Variants in ORC5 observed in about 807,000 individuals in gnomAD.
The protein encoded by ORC5 is protein phosphatase 1, regulatory subunit 117.
In ORC5, 39 loss-of-function variants were observed where a neutral mutation model predicts 58.8. The observed-to-expected ratio is 0.66, with a 90% CI of 0.51 to 0.87. ORC5 has a LOEUF of 0.87. Ranked by LOEUF, ORC5 falls within the 40% of genes least tolerant of loss-of-function variation. The pLI is 0.00. For missense variants in ORC5, 493 were observed against 506.3 expected, an observed-to-expected ratio of 0.97 and a Z score of 0.25; for synonymous variants, 218 against 177.6, an observed-to-expected ratio of 1.23 and a Z score of -1.81.
Position 104,166,881 on chromosome 7 carries a change from A to C in ORC5, c.881T>G (p.Leu294Arg). 1 of 1,566,572 alleles carries C rather than the reference A, an allele frequency of 6.4e-7. No individual in the cohort carries two copies. Among genetic ancestry groups the C allele is most frequent in the Non-Finnish European group, 8.8e-7 (1 of 1,139,890 alleles). ...DDTDPGQLKG[L>R]SAHTHVELPY... Reference sequence around the variant, plus strand: ...AAGTTCCACATGAGTATGCGCTGAGAGGCCTATATAACAAAACACTTTGAT... The same window carrying C: ...AAGTTCCACATGAGTATGCGCTGAGCGGCCTATATAACAAAACACTTTGAT... The change falls in exon 10 of 14, where the codon CTC (leucine) becomes CGC (arginine). Residue 294 changes from leucine to arginine, a missense_variant. Leu to Arg is a moderately radical substitution (Grantham distance 102). Transcript: ENST00000297431.
At chr7:104,198,198 C>T (rs1366876281) in intron 3 of ORC5, among the ~76,000 whole-genome samples, 1 of 152,166 alleles carries the variant, frequency 6.6e-6, no homozygotes, top group Admixed American at 6.5e-5. Context: ...TTATAAATTA[C>T]CCAGTCCTTG....
intron 13 of ORC5, among the ~76,000 whole-genome samples, chr7:104,131,968 T>C (rs1468092724): frequency 6.6e-6 from 1 of 152,184 alleles, no homozygotes; most frequent in African/African-American, 2.4e-5. Context: ...GATATAGCTA[T>C]GTTATACTTG....
intron 5 of ORC5, among the ~76,000 whole-genome samples, chr7:104,193,677 C>T (rs990831529): frequency 2.0e-5 from 3 of 151,436 alleles, no homozygotes; most frequent in Non-Finnish European, 4.4e-5. Context: ...AATTAATATT[C>T]CCCTTCTGAA....
intron 8 of ORC5, among the ~76,000 whole-genome samples, chr7:104,179,866 C>T (rs1400040810): frequency 1.3e-5 from 2 of 152,164 alleles, no homozygotes; most frequent in Non-Finnish European, 2.9e-5. Context: ...GAAAGTACAC[C>T]TTTAATCTTG....
chr7:104,200,273 C>G (rs761308020), intron 3 of ORC5, among the ~76,000 whole-genome samples: 7 of 152,176 alleles, frequency 4.6e-5, no homozygotes, highest in Non-Finnish European at 7.3e-5. Context: ...GTATAGTTTT[C>G]TAGACCTTCC....
At chr7:104,134,401 C>A (rs1170080115) in intron 13 of ORC5, among the ~76,000 whole-genome samples, 1 of 106,164 alleles carries the variant, frequency 9.4e-6, no homozygotes, top group Non-Finnish European at 1.7e-5. Context: ...GGCGACAGAG[C>A]AAGACACTCC....
At chr7:104,175,442 T>A (rs916952192) in intron 8 of ORC5, among the ~76,000 whole-genome samples, 2 of 152,198 alleles carry the variant, frequency 1.3e-5, no homozygotes, top group African/African-American at 4.8e-5. Flanking sequence ...GGGAAAAAGT[T>A]TTAGAGTGCT....
chr7:104,128,370 G>A (rs1300811743), intron 13 of ORC5, among the ~76,000 whole-genome samples: 3 of 152,246 alleles, frequency 2.0e-5, no homozygotes, highest in African/African-American at 7.2e-5. Flanking sequence ...TGATCTGCCC[G>A]CCTTGGCCTC....
At chr7:104,177,646 T>C (rs1799350020) in intron 8 of ORC5, among the ~76,000 whole-genome samples, 1 of 152,188 alleles carries the variant, frequency 6.6e-6, no homozygotes, top group Admixed American at 6.5e-5. Context: ...CATGGTGATC[T>C]ACTGTACCTT....
At chr7:104,171,597 C>G (rs940279343) in intron 8 of ORC5, among the ~76,000 whole-genome samples, 1 of 151,734 alleles carries the variant, frequency 6.6e-6, no homozygotes, top group Non-Finnish European at 1.5e-5. Flanking sequence ...CAAAGGAATA[C>G]CACACCCTTC....
chr7:104,189,444 G>T (rs1799624532), intron 5 of ORC5, among the ~76,000 whole-genome samples: 1 of 152,044 alleles, frequency 6.6e-6, no homozygotes, highest in East Asian at 1.9e-4. Flanking sequence ...GACATGTGGG[G>T]ATTACGGGAT....
rs567420201 is a variant in ORC5 at position 104,207,990 on chromosome 7, ACGCTCC to A, written c.-92_-87del. 201 of 1,327,048 alleles carry A rather than the reference ACGCTCC, an allele frequency of 1.5e-4. 3 individuals are homozygous for A. The South Asian group carries it at 2.3e-3, about 15-fold the overall frequency. The allele number at this position is 1,327,048 out of a possible 1,614,324, so 82.2% of individuals were successfully genotyped here. On this transcript the variant is annotated 5_prime_UTR_variant, in exon 1 of 14. Coordinates refer to ENST00000297431, the MANE Select transcript of ORC5 (RefSeq NM_002553.4). ...GAGCCTCTCCCGAGTCTGGCGGCCCACGCTCCCGCCGGAAACCGGACCCGCAGCGTC... is the reference window on the plus strand; with the variant it reads ...GAGCCTCTCCCGAGTCTGGCGGCCCACGCCGGAAACCGGACCCGCAGCGTC...
intron 13 of ORC5, among the ~76,000 whole-genome samples, chr7:104,135,087 A>C (rs1356071801): frequency 1.3e-5 from 2 of 152,160 alleles, no homozygotes; most frequent in Non-Finnish European, 2.9e-5. Flanking sequence ...AGTAACGTCA[A>C]ATTAAGTCAG....
chr7:104,154,260 A>C (rs1171240094), intron 12 of ORC5, among the ~76,000 whole-genome samples: 3 of 152,072 alleles, frequency 2.0e-5, no homozygotes, highest in African/African-American at 7.2e-5. Context: ...AAATTTAGTT[A>C]TAAATATCAA....
intron 8 of ORC5, among the ~76,000 whole-genome samples, chr7:104,178,675 A>G (rs1006151295): frequency 6.6e-5 from 10 of 152,058 alleles, no homozygotes; most frequent in Non-Finnish European, 1.3e-4. Flanking sequence ...GTTTTCTTCT[A>G]GGGTTTTTAT....
intron 12 of ORC5, among the ~76,000 whole-genome samples, chr7:104,151,365 T>C (rs76672142): frequency 6.6e-6 from 1 of 152,072 alleles, no homozygotes; most frequent in Non-Finnish European, 1.5e-5. Context: ...TAAGGTAATG[T>C]CAGTGAGGGT....
intron 12 of ORC5, among the ~76,000 whole-genome samples, chr7:104,158,591 A>G (rs1338521102): frequency 1.3e-5 from 2 of 152,070 alleles, no homozygotes; most frequent in East Asian, 3.8e-4. Flanking sequence ...ACAAAGGGCT[A>G]ATATCCAGAA....
intron 6 of ORC5, 73 bp downstream of exon 6, chr7:104,188,178 A>G (rs1407030356): frequency 9.3e-7 from 1 of 1,080,088 alleles, no homozygotes; most frequent in African/African-American, 1.7e-5. Context: ...TAAAATACAT[A>G]TATACACATA....
At chr7:104,141,970 A>C (rs1798680526) in intron 12 of ORC5, among the ~76,000 whole-genome samples, 1 of 152,186 alleles carries the variant, frequency 6.6e-6, no homozygotes, top group Admixed American at 6.5e-5. Context: ...AGGTATCACA[A>C]TTCCTTATTT....
Sources: gnomAD v4.1 joint callset for allele counts (sites outside exome capture counted in the v4.1 genomes callset) on GRCh38, gnomAD v4.1.1 for gene constraint, MANE v1.5 for transcripts, NCBI Gene and HGNC (gene_info 2026-07-23, HGNC 2026-07-21) for gene names.